Variants in PARD3B observed in about 807,000 individuals in gnomAD.
The protein encoded by PARD3B is partitioning defective 3 homolog B.
In PARD3B, 103 loss-of-function variants were observed where a neutral mutation model predicts 130.2. The observed-to-expected ratio is 0.79, with a 90% confidence interval of 0.67 to 0.93. The LOEUF is 0.93. Ranked by LOEUF, PARD3B falls within the 40% of genes least tolerant of loss-of-function variation. The probability of loss-of-function intolerance (pLI) is 0.00; values close to 1 mark genes in which losing one functional copy is unlikely to be tolerated. For synonymous variants in PARD3B, 583 were observed against 553.2 expected (o/e 1.05, Z -0.76); for missense variants, 1,609 against 1,499.2 (o/e 1.07, Z -1.21).
Position 205,351,639 on chromosome 2 carries a change from C to T in PARD3B, c.2631-49374C>T, listed in dbSNP as rs149739694. ...GCACCAGGAGATCCAACACAGGAGC[C>T]ACTGCCTTGGAAATTGGAGGCAGTT... On this transcript the variant is annotated intron_variant, in intron 18 of 22. Transcript: ENST00000406610. This position sits in a 1 kb window ranked among gnomAD's most constrained non-coding sequence, Gnocchi z 4.2. 5.5e-4 allele frequency among the ~76,000 whole-genome samples: 84 copies of T among 152,310 alleles called. 2 individuals are homozygous for T. Among genetic ancestry groups the T allele is most frequent in the African/African-American group, 1.9e-3 (81 of 41,566 alleles).
chr2:205,396,652 A>G (rs1293704942), intron 18 of PARD3B, among the ~76,000 whole-genome samples: 1 of 152,214 alleles, frequency 6.6e-6, no homozygotes, highest in Admixed American at 6.5e-5. Context: ...TTATTGATTA[A>G]AGCCATATGT....
At chr2:205,491,287 A>C (rs1236966536) in intron 20 of PARD3B, among the ~76,000 whole-genome samples, 10 of 152,152 alleles carry the variant, frequency 6.6e-5, no homozygotes, top group Admixed American at 1.3e-4. Context: ...TTTTTGTATA[A>C]GGTGTAAGGA....
At chr2:204,813,552 A>G (rs2043039046) in intron 2 of PARD3B, among the ~76,000 whole-genome samples, 1 of 152,078 alleles carries the variant, frequency 6.6e-6, no homozygotes, top group South Asian at 2.1e-4. Context: ...TTCTTCATGG[A>G]CCATGCTTTT....
At chr2:205,057,400 GTGT>G (rs1699727963) in intron 4 of PARD3B, among the ~76,000 whole-genome samples, 1 of 129,572 alleles carries the variant, frequency 7.7e-6, no homozygotes, top group African/African-American at 2.8e-5. Flanking sequence ...ACATGTATAT[GTGT>G]TATATACATA....
chr2:205,449,278 A>G (rs974134979), intron 20 of PARD3B, among the ~76,000 whole-genome samples: 1 of 149,990 alleles, frequency 6.7e-6, no homozygotes, highest in Non-Finnish European at 1.5e-5. Context: ...TGCCCAGGCT[A>G]GAATGCAGTG....
intron 15 of PARD3B, among the ~76,000 whole-genome samples, chr2:205,208,790 C>G (rs1306038124): frequency 6.9e-6 from 1 of 145,134 alleles, no homozygotes. Flanking sequence ...AATGGCCATA[C>G]TGCCCAGGGT....
chr2:205,254,142 G>A (rs6737756), intron 16 of PARD3B, among the ~76,000 whole-genome samples: 9,046 of 146,970 alleles, frequency 0.062, 404 homozygotes, highest in East Asian at 0.21. Context: ...TAGTGACCAA[G>A]GGAGATTATA....
At chr2:204,672,781 G>C (rs953279226) in intron 1 of PARD3B, among the ~76,000 whole-genome samples, 9 of 152,126 alleles carry the variant, frequency 5.9e-5, no homozygotes, top group Non-Finnish European at 4.4e-5. Flanking sequence ...AGCCCAGAGG[G>C]TCTCTTTGCC....
intron 3 of PARD3B, among the ~76,000 whole-genome samples, chr2:204,974,380 TA>T (rs1691963062): frequency 6.6e-6 from 1 of 152,226 alleles, no homozygotes; most frequent in African/African-American, 2.4e-5. Context: ...TTTAAAATCA[TA>T]ACACTTATAT....
rs962839666 is a variant in PARD3B at position 205,269,788 on chromosome 2, C to T, written c.2185+23966C>T. 6.6e-6 allele frequency among the ~76,000 whole-genome samples: 1 copy of T among 152,102 alleles called. No homozygotes were observed. Among genetic ancestry groups the T allele is most frequent in the African/African-American group, 2.4e-5 (1 of 41,432 alleles). On this transcript the variant is annotated intron_variant, in intron 16 of 22. Coordinates refer to ENST00000406610, the MANE Select transcript of PARD3B (RefSeq NM_001302769.2). The surrounding 1 kb of genome is among the most constrained non-coding windows in gnomAD (Gnocchi z 4.7). ...AAGGGGAAATGGATAAGCTAAAAGGCAGCTATGTGCTTCTCTCCTACTGGC... is the reference window on the plus strand; with the variant it reads ...AAGGGGAAATGGATAAGCTAAAAGGTAGCTATGTGCTTCTCTCCTACTGGC...
chr2:204,829,831 C>T (rs1220576341), intron 2 of PARD3B, among the ~76,000 whole-genome samples: 1 of 151,970 alleles, frequency 6.6e-6, no homozygotes, highest in Non-Finnish European at 1.5e-5. Flanking sequence ...AACCCCGTCT[C>T]TACTAAAAAT....
chr2:205,137,455 C>T (rs1451231268), intron 10 of PARD3B, among the ~76,000 whole-genome samples: 1 of 152,172 alleles, frequency 6.6e-6, no homozygotes, highest in Non-Finnish European at 1.5e-5. Context: ...AAGTCGGTAA[C>T]AAGACCACAT....
chr2:204,573,261 C>A (rs1486062343), intron 1 of PARD3B, among the ~76,000 whole-genome samples: 1 of 152,168 alleles, frequency 6.6e-6, no homozygotes, highest in East Asian at 1.9e-4. Context: ...ATATCTTTTC[C>A]ACTAGAATGT....
chr2:205,058,126 A>T lies in PARD3B; in HGVS notation c.504+10436A>T, dbSNP rs536960701. On this transcript the variant is annotated intron_variant, in intron 4 of 22. Transcript: ENST00000406610. ...TATACTTTTTCTCCCTATGATTTTG[A>T]CTACTCTAGGTGCCTTATACAAGTA... is the stretch of plus-strand genomic sequence containing the variant. 4.0e-5 allele frequency among the ~76,000 whole-genome samples: 6 copies of T among 151,716 alleles called. No homozygotes were observed. In the East Asian group the frequency reaches 1.2e-3, roughly 30 times the overall value.
At chr2:205,296,769 G>A (rs1382640713) in intron 16 of PARD3B, among the ~76,000 whole-genome samples, 1 of 151,626 alleles carries the variant, frequency 6.6e-6, no homozygotes, top group East Asian at 1.9e-4. Flanking sequence ...ATTGATCTGT[G>A]CAGAAGACAT....
At chr2:205,186,916 CAT>C (rs2125789961) in intron 14 of PARD3B, among the ~76,000 whole-genome samples, 1 of 152,250 alleles carries the variant, frequency 6.6e-6, no homozygotes, top group East Asian at 1.9e-4. Flanking sequence ...CCATTTAAAA[CAT>C]AATTTCATTT....
chr2:204,939,920 T>A (rs1688774742), intron 2 of PARD3B, among the ~76,000 whole-genome samples: 1 of 152,254 alleles, frequency 6.6e-6, no homozygotes, highest in Admixed American at 6.5e-5. Flanking sequence ...ATTACCATTA[T>A]ACCTGAGGTT....
At chr2:205,002,136 T>C (rs1414769786) in intron 3 of PARD3B, among the ~76,000 whole-genome samples, 1 of 152,184 alleles carries the variant, frequency 6.6e-6, no homozygotes, top group East Asian at 1.9e-4. Flanking sequence ...TTGTCAATAG[T>C]CATGTGGTAG....
chr2:205,107,772 T>G (rs1380613870), intron 5 of PARD3B, among the ~76,000 whole-genome samples: 3 of 152,192 alleles, frequency 2.0e-5, no homozygotes, highest in Non-Finnish European at 2.9e-5. Flanking sequence ...ATTCTCCAAA[T>G]AGTTTTACAA....
Sources: gnomAD v4.1 joint callset for allele counts (sites outside exome capture counted in the v4.1 genomes callset) on GRCh38, gnomAD v4.1.1 for gene constraint, Gnocchi (gnomAD v3.1) non-coding constraint, MANE v1.5 for transcripts, NCBI Gene and HGNC (gene_info 2026-07-23, HGNC 2026-07-21) for gene names.